Variants in CNTN5 observed in about 807,000 individuals in gnomAD.
CNTN5 encodes contactin-5.
A neutral mutation model predicts 129.1 loss-of-function variants in CNTN5; 77 were observed. The ratio of observed to expected loss-of-function variants is 0.60; its 90% CI spans 0.50 to 0.72. CNTN5 has a LOEUF of 0.72. Among genes scored for constraint, CNTN5 ranks in the 30% least tolerant of loss-of-function variants. The pLI is 0.00. For synonymous variants in CNTN5, 509 were observed against 465.6 expected (o/e 1.09, Z -1.20); for missense variants, 1,478 against 1,328.8 (o/e 1.11, Z -1.75).
At chr11:99,918,013 C>A (rs764642335) in intron 7 of CNTN5, among the ~76,000 whole-genome samples, 2 of 152,080 alleles carry the variant, frequency 1.3e-5, no homozygotes, top group Non-Finnish European at 2.9e-5. Context: ...GCCATATTTA[C>A]AAGCTTCTTA....
intron 2 of CNTN5, among the ~76,000 whole-genome samples, chr11:99,423,279 G>A (rs528896568): frequency 2.0e-5 from 3 of 152,296 alleles, no homozygotes; most frequent in Admixed American, 2.0e-4. Flanking sequence ...CTTTATGACA[G>A]GAGTTAGTCT....
intron 2 of CNTN5, among the ~76,000 whole-genome samples, chr11:99,355,004 A>G (rs1938544336): frequency 6.6e-6 from 1 of 152,164 alleles, no homozygotes; most frequent in African/African-American, 2.4e-5. Context: ...CAGGGCCCAC[A>G]AAACTGCTGT....
chr11:100,232,525 G>A (rs181606411), intron 16 of CNTN5, among the ~76,000 whole-genome samples: 2 of 152,326 alleles, frequency 1.3e-5, no homozygotes, highest in Non-Finnish European at 2.9e-5. Context: ...AATTATGTGT[G>A]AAAGGTAGCG....
intron 1 of CNTN5, among the ~76,000 whole-genome samples, chr11:99,147,007 C>T (rs1452194452): frequency 2.6e-5 from 4 of 151,814 alleles, no homozygotes; most frequent in East Asian, 1.9e-4. Context: ...AGGCATGAGT[C>T]GATGCATTAA....
intron 3 of CNTN5, among the ~76,000 whole-genome samples, chr11:99,590,707 G>A (rs933841565): frequency 1.3e-5 from 2 of 152,120 alleles, no homozygotes; most frequent in Non-Finnish European, 2.9e-5. Flanking sequence ...AGTAAGAAAT[G>A]AAAAGGAGGC....
chr11:99,881,531 G>T (rs752474771), intron 6 of CNTN5, among the ~76,000 whole-genome samples: 1 of 152,096 alleles, frequency 6.6e-6, no homozygotes, highest in Non-Finnish European at 1.5e-5. Flanking sequence ...CAGCATCATT[G>T]TTCTCATATC....
intron 1 of CNTN5, among the ~76,000 whole-genome samples, chr11:99,311,759 G>A (rs995884719): frequency 6.6e-6 from 1 of 152,100 alleles, no homozygotes; most frequent in Non-Finnish European, 1.5e-5. Context: ...ATGCTAGTTT[G>A]TTGTAGTATT....
intron 9 of CNTN5, among the ~76,000 whole-genome samples, chr11:100,030,767 C>G (rs927250748): frequency 5.9e-5 from 9 of 152,154 alleles, no homozygotes; most frequent in African/African-American, 2.2e-4. Context: ...ATAAAGCATA[C>G]TTCTTAGGCT....
intron 8 of CNTN5, among the ~76,000 whole-genome samples, chr11:99,978,338 AAT>A (rs1418202167): frequency 6.6e-6 from 1 of 152,222 alleles, no homozygotes; most frequent in Non-Finnish European, 1.5e-5. Context: ...TAAAGAACAA[AAT>A]ATATTTGTGA....
At chr11:99,198,932 G>A (rs918405721) in intron 1 of CNTN5, among the ~76,000 whole-genome samples, 6 of 152,050 alleles carry the variant, frequency 3.9e-5, no homozygotes, top group Admixed American at 1.3e-4. Flanking sequence ...CAATGCCATC[G>A]ATAGTATTTG....
At position 100,064,310 on chromosome 11, in the gene CNTN5, C is replaced by T. The variant is rs556385410; in HGVS notation, c.1162+2917C>T. 2.4e-4 allele frequency among the ~76,000 whole-genome samples: 37 copies of T among 152,212 alleles called. No individual in the cohort carries two copies. In the South Asian group the frequency reaches 7.5e-3, roughly 31 times the overall value. ...GGATCTAAGGCAGCATTTCTAGTCC[C>T]TTTTCTTGGTCAAAGCATTATAAAA... On this transcript the variant is annotated intron_variant, in intron 10 of 24. Coordinates refer to ENST00000524871, the MANE Select transcript of CNTN5 (RefSeq NM_014361.4).
intron 1 of CNTN5, among the ~76,000 whole-genome samples, chr11:99,247,153 G>T (rs1414700452): frequency 6.6e-6 from 1 of 152,080 alleles, no homozygotes; most frequent in Non-Finnish European, 1.5e-5. Flanking sequence ...ATAATTTTCT[G>T]GAGTTATTAG....
chr11:99,313,725 T>C (rs952931176), intron 1 of CNTN5, among the ~76,000 whole-genome samples: 2 of 152,116 alleles, frequency 1.3e-5, no homozygotes, highest in Non-Finnish European at 2.9e-5. Flanking sequence ...TGATTAAAAT[T>C]CTATTTAACA....
intron 1 of CNTN5, among the ~76,000 whole-genome samples, chr11:99,183,104 A>G (rs1858163787): frequency 6.6e-6 from 1 of 152,094 alleles, no homozygotes; most frequent in African/African-American, 2.4e-5. Context: ...ATTACATTCA[A>G]TTTTGGTTAC....
chr11:99,106,032 G>T (rs1172597872), intron 1 of CNTN5, among the ~76,000 whole-genome samples: 1 of 152,082 alleles, frequency 6.6e-6, no homozygotes, highest in Non-Finnish European at 1.5e-5. Context: ...GGGAGTATCT[G>T]CAAACTTCAT....
At chr11:100,183,704 G>A (rs1031555787) in intron 13 of CNTN5, among the ~76,000 whole-genome samples, 3 of 152,078 alleles carry the variant, frequency 2.0e-5, no homozygotes, top group African/African-American at 7.2e-5. Context: ...TATGGTAATG[G>A]TTTTATGACT....
intron 21 of CNTN5, chr11:100,337,295 C>T (rs1952056363): frequency 1.8e-6 from 2 of 1,122,720 alleles, no homozygotes; most frequent in Middle Eastern, 2.9e-4. Flanking sequence ...ATAAATCATG[C>T]TCCTGGAGGA....
At chr11:99,774,320 A>C (rs1945045067) in intron 3 of CNTN5, among the ~76,000 whole-genome samples, 1 of 151,788 alleles carries the variant, frequency 6.6e-6, no homozygotes, top group African/African-American at 2.4e-5. Context: ...GATTAGCTTT[A>C]GAAAACTTCA....
intron 13 of CNTN5, among the ~76,000 whole-genome samples, chr11:100,087,751 A>G (rs1033713866): frequency 4.0e-5 from 6 of 151,894 alleles, no homozygotes; most frequent in Admixed American, 1.3e-4. Context: ...AAAATTCTGG[A>G]CTTAACTTGA....
Sources: gnomAD v4.1 joint callset for allele counts (sites outside exome capture counted in the v4.1 genomes callset) on GRCh38, gnomAD v4.1.1 for gene constraint, MANE v1.5 for transcripts, NCBI Gene and HGNC (gene_info 2026-07-23, HGNC 2026-07-21) for gene names.